The following NECAB1 variants were observed in gnomAD, a reference collection of about 807,000 sequenced individuals.
NECAB1 encodes N-terminal EF-hand calcium binding protein 1.
A neutral mutation model predicts 57.5 loss-of-function variants in NECAB1; 29 were observed. The ratio of observed to expected loss-of-function variants is 0.50; its 90% CI spans 0.38 to 0.69. NECAB1 has a LOEUF of 0.69. NECAB1 is among the 30% of genes least tolerant of loss of function. NECAB1 has a pLI of 0.00. For synonymous variants in NECAB1, 142 were observed against 147.7 expected (o/e 0.96, Z 0.28); for missense variants, 372 against 413.8 (o/e 0.90, Z 0.88).
At chr8:90,906,193 T>C (rs1809641415) in intron 5 of NECAB1, among the ~76,000 whole-genome samples, 1 of 152,206 alleles carries the variant, frequency 6.6e-6, no homozygotes, top group Admixed American at 6.5e-5. Context: ...ATACTACCAA[T>C]ACAGAACTGA....
intron 2 of NECAB1, among the ~76,000 whole-genome samples, chr8:90,806,911 T>C (rs941756937): frequency 6.6e-6 from 1 of 152,242 alleles, no homozygotes; most frequent in Non-Finnish European, 1.5e-5. Flanking sequence ...GTCAGATAAC[T>C]TTCTCCAGGT....
chr8:90,897,625 A>T (rs1226688835), intron 5 of NECAB1, among the ~76,000 whole-genome samples: 3 of 152,252 alleles, frequency 2.0e-5, no homozygotes, highest in Non-Finnish European at 4.4e-5. Flanking sequence ...TCTTATGTTT[A>T]AAAAACAAAG....
At chr8:90,860,388 T>C (rs1812879705) in intron 3 of NECAB1, among the ~76,000 whole-genome samples, 1 of 152,092 alleles carries the variant, frequency 6.6e-6, no homozygotes, top group Non-Finnish European at 1.5e-5. Context: ...CTAAAAATGA[T>C]GCCAATACAT....
intron 5 of NECAB1, among the ~76,000 whole-genome samples, chr8:90,898,103 A>T (rs1337789776): frequency 2.6e-5 from 4 of 152,280 alleles, no homozygotes; most frequent in African/African-American, 9.6e-5. Flanking sequence ...TGCCTATAGA[A>T]CATCTCTGTA....
chr8:90,888,463 T>A lies in NECAB1; in HGVS notation c.357+7333T>A, dbSNP rs1013063846. 2.6e-5 allele frequency among the ~76,000 whole-genome samples: 4 copies of A among 152,282 alleles called. No individual in the cohort carries two copies. The South Asian group carries it at 8.3e-4, about 32-fold the overall frequency. ...TTCCTTCTGTCACGAGAATTAAATT[T>A]GATATGACTCATTTCTTTTGCCTGA... On this transcript the variant is annotated intron_variant, in intron 5 of 12. Coordinates refer to ENST00000417640, the MANE Select transcript of NECAB1 (RefSeq NM_022351.5).
intron 2 of NECAB1, among the ~76,000 whole-genome samples, chr8:90,805,063 T>C (rs1471522709): frequency 6.6e-6 from 1 of 152,262 alleles, no homozygotes; most frequent in African/African-American, 2.4e-5. Flanking sequence ...TTTAACATTT[T>C]AGTTATTTCT....
chr8:90,905,383 A>G (rs1809615016), intron 5 of NECAB1, among the ~76,000 whole-genome samples: 1 of 152,130 alleles, frequency 6.6e-6, no homozygotes, highest in Non-Finnish European at 1.5e-5. Context: ...GCAGTGGTTC[A>G]AGAGGTCCGT....
chr8:90,807,542 AGTCAAG>A (rs1282581282), intron 2 of NECAB1, among the ~76,000 whole-genome samples: 1 of 152,194 alleles, frequency 6.6e-6, no homozygotes, highest in Non-Finnish European at 1.5e-5. Context: ...TGAGCTATTC[AGTCAAG>A]CATCACCACC....
At chr8:90,830,318 T>G (rs1231579687) in intron 3 of NECAB1, among the ~76,000 whole-genome samples, 5 of 151,996 alleles carry the variant, frequency 3.3e-5, no homozygotes, top group Admixed American at 6.6e-5. Context: ...AAGACTTAAG[T>G]TCCTGGAGAA....
chr8:90,917,510 A>G lies in NECAB1; in HGVS notation c.376A>G (p.Asn126Asp). The G allele has an allele frequency of 1.9e-6, 3 of 1,609,978 alleles. No homozygotes were observed. The highest frequency in any genetic ancestry group is 2.5e-6 in the Non-Finnish European group (3 of 1,177,472). The change falls in exon 6 of 13, where the codon AAT becomes GAT. Residue 126 changes from asparagine (N) to aspartate (D), a missense_variant. Transcript: ENST00000417640. ...CCCTTAGGACTACCAAGAAGCCTCC[A>G]ATTTGGAACAATTCGTAACTAGATT... ...KTKKDYQEASNLEQFVTRFLL... is the reference protein window; with the variant it reads ...KTKKDYQEASDLEQFVTRFLL...
chr8:90,847,767 C>G (rs116260251), intron 3 of NECAB1, among the ~76,000 whole-genome samples: 2,462 of 152,358 alleles, frequency 0.016, 70 homozygotes, highest in African/African-American at 0.056. Flanking sequence ...ATGGCATGAA[C>G]TGTATCTTGG....
chr8:90,893,519 A>T (rs994844353), intron 5 of NECAB1, among the ~76,000 whole-genome samples: 1 of 152,162 alleles, frequency 6.6e-6, no homozygotes, highest in Admixed American at 6.5e-5. Flanking sequence ...TTCTGGACAG[A>T]TGGACAGCCC....
chr8:90,881,869 A>C (rs1283124525), intron 5 of NECAB1, among the ~76,000 whole-genome samples: 1 of 152,216 alleles, frequency 6.6e-6, no homozygotes, highest in Middle Eastern at 3.2e-3. Context: ...TGACACCTGA[A>C]CACTGAGAGA....
chr8:90,914,489 C>A (rs941951901), intron 5 of NECAB1, among the ~76,000 whole-genome samples: 1 of 152,024 alleles, frequency 6.6e-6, no homozygotes, highest in African/African-American at 2.4e-5. Flanking sequence ...AAACAGCAAA[C>A]CTTCATAATT....
Position 90,867,157 on chromosome 8 carries a change from T to C in NECAB1, c.234-4971T>C, listed in dbSNP as rs950704322. Among the ~76,000 whole-genome samples, 13 of 152,336 alleles carry C rather than the reference T, an allele frequency of 8.5e-5. No individual in the cohort carries two copies. In the East Asian group the frequency reaches 1.7e-3, roughly 20 times the overall value. On this transcript the variant is annotated intron_variant, in intron 3 of 12. Transcript: ENST00000417640. ...GGAATATGTGAAGCCACAAACACTA[T>C]AGTATTTTACAAACCTTGTCTCTTA...
At chr8:90,936,184 C>A (rs1810533956) in intron 9 of NECAB1, among the ~76,000 whole-genome samples, 1 of 152,078 alleles carries the variant, frequency 6.6e-6, no homozygotes, top group Admixed American at 6.5e-5. Flanking sequence ...TTCCATCCTA[C>A]CATGTGTTAA....
At chr8:90,841,157 G>A (rs1407662544) in intron 3 of NECAB1, among the ~76,000 whole-genome samples, 1 of 151,930 alleles carries the variant, frequency 6.6e-6, no homozygotes, top group Non-Finnish European at 1.5e-5. Flanking sequence ...GTACTTGGGA[G>A]GCTGAGGCAG....
intron 2 of NECAB1, among the ~76,000 whole-genome samples, chr8:90,808,614 T>C (rs959548306): frequency 6.6e-5 from 10 of 151,888 alleles, no homozygotes; most frequent in African/African-American, 2.4e-4. Context: ...ATTTCCATTT[T>C]TTCATCCTAA....
At chr8:90,894,320 T>A (rs1284439765) in intron 5 of NECAB1, among the ~76,000 whole-genome samples, 1 of 152,204 alleles carries the variant, frequency 6.6e-6, no homozygotes, top group East Asian at 1.9e-4. Flanking sequence ...GCCTTTGAGT[T>A]CTGCATAGGT....
Sources: allele counts gnomAD v4.1 joint callset (sites outside exome capture counted in the v4.1 genomes callset), GRCh38; gene constraint gnomAD v4.1.1; transcripts MANE v1.5; gene names NCBI Gene and HGNC (gene_info 2026-07-23, HGNC 2026-07-21).